The following SYNE2 variants were observed in gnomAD, a reference collection of about 807,000 sequenced individuals.
The protein encoded by SYNE2 is nesprin-2.
Under a neutral mutation model 856.3 loss-of-function variants are expected in SYNE2, and 431 were observed. The observed-to-expected ratio is 0.50, with a 90% CI of 0.47 to 0.55. SYNE2 has a LOEUF of 0.55. Among genes scored for constraint, SYNE2 ranks in the 20% least tolerant of loss-of-function variants. SYNE2 has a pLI of 0.00. For synonymous variants in SYNE2, 2,923 were observed against 2,872.3 expected, an observed-to-expected ratio of 1.02 and a Z score of -0.56; for missense variants, 8,129 against 8,023.2, an observed-to-expected ratio of 1.01 and a Z score of -0.50.
chr14:64,084,381 C>A (rs2097544779), intron 57 of SYNE2: 1 of 152,320 alleles, frequency 6.6e-6, no homozygotes, highest in South Asian at 2.1e-4. Context: ...CAAGACGTTT[C>A]CTCCTGCCTC....
At chr14:63,808,553 C>T (rs554583112) in intron 1 of SYNE2, 1 of 153,166 alleles carries the variant, frequency 6.5e-6, no homozygotes, top group East Asian at 1.9e-4. Context: ...ATCATGGACA[C>T]CAGCCATGTG....
chr14:63,789,976 G>C (rs1887674326), intron 1 of SYNE2, among the ~76,000 whole-genome samples: 1 of 152,046 alleles, frequency 6.6e-6, no homozygotes, highest in Non-Finnish European at 1.5e-5. Flanking sequence ...CCTTTAATTG[G>C]CTGCATTACA....
In SYNE2 at chr14:63,991,053, A is replaced by G. The variant is rs1186681608; in HGVS notation, c.2584A>G (p.Met862Val). Reference protein sequence around the residue: ...ESQKELESYMMRAQQLLGQRE... With the variant: ...ESQKELESYMVRAQQLLGQRE... ...CCAGAAGGAACTTGAATCATATATG[A>G]TGAGGGCTCAGCAGTTACTGGGGCA... Residue 862 changes from methionine (M) to valine (V), a missense_variant, in exon 21 of 116, where the codon ATG (methionine) becomes GTG (valine). By Grantham distance (21) the Met-to-Val change is conservative. This residue lies in a region of SYNE2 where 2,422 missense variants were observed against 2,357.4 expected (regional missense o/e 1.03). Transcript: ENST00000555002. The G allele has an allele frequency of 2.5e-6, 4 of 1,614,016 alleles. No homozygotes were observed. The Admixed American group carries it at 6.7e-5, about 27-fold the overall frequency.
At chr14:64,224,875 CCA>C (rs2098711475) in intron 114 of SYNE2, 122 bp from the exon 115 acceptor site, 1 of 910,154 alleles carries the variant, frequency 1.1e-6, no homozygotes, top group East Asian at 2.6e-5. Context: ...ACTCTAGTCT[CCA>C]AAGTTTGGCT....
intron 96 of SYNE2, among the ~76,000 whole-genome samples, chr14:64,178,033 A>C (rs2098442499): frequency 6.6e-6 from 1 of 152,240 alleles, no homozygotes; most frequent in South Asian, 2.1e-4. Context: ...GAAAATTCCC[A>C]GGTCAGCAAC....
In SYNE2 at chr14:64,186,503, T is replaced by G; in HGVS notation, c.17636T>G (p.Val5879Gly). Residue 5879 changes from valine (V) to glycine (G), a missense_variant, in exon 97 of 116, where the codon GTT becomes GGT. Transcript: ENST00000555002. ...QTMKADLTRH[V>G]LVEDVMVLKE... Reference sequence around the variant, plus strand: ...ATGAAGGCGGACTTAACCCGGCACGTTCTCGTGGAAGATGTGATGGTTTTG... The same window carrying G: ...ATGAAGGCGGACTTAACCCGGCACGGTCTCGTGGAAGATGTGATGGTTTTG... 1.2e-6 allele frequency: 2 copies of G among 1,614,214 alleles called. No individual in the cohort carries two copies. Among genetic ancestry groups the G allele is most frequent in the Non-Finnish European group, 1.7e-6 (2 of 1,180,028 alleles).
In SYNE2 at chr14:63,975,028, T is replaced by C. The variant is rs1180842984; in HGVS notation, c.1129-1535T>C. On this transcript the variant is annotated intron_variant, in intron 11 of 115. Transcript: ENST00000555002. ...CTCTGTGACGTCACTTAACACACTTTCCTGTAACCATGTTCTTGGCTGCTT... is the reference window on the plus strand; with the variant it reads ...CTCTGTGACGTCACTTAACACACTTCCCTGTAACCATGTTCTTGGCTGCTT... Among the ~76,000 whole-genome samples, 18 of 150,926 alleles carry C rather than the reference T, an allele frequency of 1.2e-4. No individual in the cohort carries two copies. In the South Asian group the frequency reaches 3.8e-3, roughly 32 times the overall value.
In SYNE2 at chr14:64,093,207, G is replaced by A. The variant is rs528837679; in HGVS notation, c.11977-142G>A. 638 of 934,698 alleles carry A rather than the reference G, an allele frequency of 6.8e-4. No individual in the cohort carries two copies. Among genetic ancestry groups the A allele is most frequent in the Non-Finnish European group, 9.3e-4 (568 of 609,820 alleles). The allele number at this position is 934,698 out of a possible 1,614,324, so 57.9% of individuals were successfully genotyped here. ...TTGCAAACATTCTTCTCTCTGTTTA[G>A]GCTACCACGTCCTATTGAAATCTCA... On this transcript the variant is annotated intron_variant, in intron 60 of 115. Coordinates refer to ENST00000555002, the MANE Select transcript of SYNE2 (RefSeq NM_182914.3).
At chr14:64,131,750 A>T (rs140256758) in intron 76 of SYNE2, among the ~76,000 whole-genome samples, 115 of 152,232 alleles carry the variant, frequency 7.6e-4, no homozygotes, top group Non-Finnish European at 1.3e-3. Flanking sequence ...CCTAGCTGGC[A>T]TCTATCTTTT....
At chr14:63,848,887 T>C (rs1455457209), upstream of SYNE2, among the ~76,000 whole-genome samples, 2 of 152,234 alleles carry the variant, frequency 1.3e-5, no homozygotes, top group Non-Finnish European at 2.9e-5. Context: ...ATCTTCCTTT[T>C]AATTTTTCCT....
chr14:63,768,030 C>T (rs748531096), intron 1 of SYNE2, among the ~76,000 whole-genome samples: 14 of 151,830 alleles, frequency 9.2e-5, no homozygotes, highest in Admixed American at 2.6e-4. Flanking sequence ...CCCGTCTTAA[C>T]AAAAAATACA....
At chr14:63,902,916 A>G (rs1396411733) in intron 1 of SYNE2, among the ~76,000 whole-genome samples, 4 of 152,060 alleles carry the variant, frequency 2.6e-5, no homozygotes, top group African/African-American at 9.7e-5. Context: ...GGTCTCAAGC[A>G]GTCCTCCTGC....
intron 96 of SYNE2, 118 bp downstream of exon 96, chr14:64,177,601 T>C: frequency 1.5e-6 from 2 of 1,341,808 alleles, no homozygotes; most frequent in African/African-American, 1.4e-5. Context: ...TCAGAAAATA[T>C]TTTCCCGATC....
intron 1 of SYNE2, among the ~76,000 whole-genome samples, chr14:63,879,886 A>G (rs558734723): frequency 7.9e-5 from 12 of 152,258 alleles, no homozygotes; most frequent in Non-Finnish European, 1.6e-4. Context: ...CCAGCAAAGG[A>G]TATCGCAGTT....
chr14:64,157,412 T>A (rs1431780572), intron 85 of SYNE2, among the ~76,000 whole-genome samples: 1 of 152,158 alleles, frequency 6.6e-6, no homozygotes, highest in Non-Finnish European at 1.5e-5. Context: ...GTTGTAGTAT[T>A]TACAGTACTT....
intron 1 of SYNE2, among the ~76,000 whole-genome samples, chr14:63,781,192 C>T (rs1234684949): frequency 2.6e-5 from 4 of 151,558 alleles, no homozygotes; most frequent in East Asian, 1.9e-4. Context: ...GCAGGAGAAT[C>T]GCTTGAACCC....
chr14:63,974,914 A>ATATATATATATATG (rs1260422403), intron 11 of SYNE2, among the ~76,000 whole-genome samples: 1 of 85,522 alleles, frequency 1.2e-5, no homozygotes, highest in African/African-American at 4.6e-5. Context: ...ATATATATAT[A>ATATATATATATATG]TATGTATCTT....
chr14:64,224,699 T>G, intron 114 of SYNE2, 152 bp downstream of exon 114: 1 of 887,058 alleles, frequency 1.1e-6, no homozygotes, highest in Non-Finnish European at 1.8e-6. Context: ...CTGCCTCTAG[T>G]CACTCTTCTT....
chr14:63,935,387 A>G lies in SYNE2; in HGVS notation c.80-5227A>G, dbSNP rs530962421. ...GAGGCTTGGTGCATCTTTAATCTCT[A>G]ATCAGTTGCAATATTTACTAGGCAG... On this transcript the variant is annotated intron_variant, in intron 2 of 115. Coordinates refer to ENST00000555002, the MANE Select transcript of SYNE2 (RefSeq NM_182914.3). Among the ~76,000 whole-genome samples the G allele has an allele frequency of 3.3e-5, 5 of 152,346 alleles. No homozygotes were observed. In the East Asian group the frequency reaches 7.7e-4, roughly 24 times the overall value.
Sources: gnomAD v4.1 joint callset for allele counts (sites outside exome capture counted in the v4.1 genomes callset) on GRCh38, gnomAD v4.1.1 for gene constraint, gnomAD v4.1.1 regional missense constraint, MANE v1.5 for transcripts, NCBI Gene and HGNC (gene_info 2026-07-23, HGNC 2026-07-21) for gene names.